AMPD1: variants seen among roughly 807,000 people sequenced by gnomAD.
The protein encoded by AMPD1 is adenosine monophosphate deaminase 1.
A neutral mutation model predicts 82.9 loss-of-function variants in AMPD1; 74 were observed. The ratio of observed to expected loss-of-function variants is 0.89; its 90% CI spans 0.74 to 1.08. The LOEUF (loss-of-function observed/expected upper bound fraction) is 1.08, where lower values mean the gene tolerates loss of function less well. Ranked by LOEUF, AMPD1 falls within the 50% of genes least tolerant of loss-of-function variation. AMPD1 has a pLI of 0.00. For missense variants in AMPD1, 881 were observed against 924.5 expected (o/e 0.95, Z 0.61); for synonymous variants, 333 against 320.5 (o/e 1.04, Z -0.42).
At chr1:114,692,798 A>T (rs531964599) in intron 2 of AMPD1, among the ~76,000 whole-genome samples, 7 of 149,332 alleles carry the variant, frequency 4.7e-5, no homozygotes, top group Non-Finnish European at 1.0e-4. Context: ...CTAAGGCAAG[A>T]TTCAATAGGC....
intron 2 of AMPD1, among the ~76,000 whole-genome samples, chr1:114,692,247 T>C (rs1345139745): frequency 6.6e-6 from 1 of 152,114 alleles, no homozygotes; most frequent in Non-Finnish European, 1.5e-5. Context: ...TATTAATGTG[T>C]AGGAAAGACA....
chr1:114,674,200 T>A (rs1657915832), intron 13 of AMPD1, 118 bp from the exon 14 acceptor site: 3 of 898,086 alleles, frequency 3.3e-6, no homozygotes, highest in South Asian at 3.1e-5. Flanking sequence ...TCACTTGTTC[T>A]TCAAGTCTCT....
At chr1:114,679,544 C>T (rs1054090898) in intron 7 of AMPD1, 35 bp downstream of exon 7, 1 of 1,612,418 alleles carries the variant, frequency 6.2e-7, no homozygotes, top group Non-Finnish European at 8.5e-7. Flanking sequence ...ATTGTTTTTG[C>T]CCAGGAATTA....
intron 10 of AMPD1, 154 bp from the exon 11 acceptor site, chr1:114,676,157 C>G: frequency 1.2e-5 from 11 of 951,886 alleles, no homozygotes; most frequent in South Asian, 1.5e-5. Context: ...TTTTTGGTCC[C>G]CTATAGAGAG....
intron 7 of AMPD1, among the ~76,000 whole-genome samples, chr1:114,678,755 C>T (rs1252131245): frequency 6.6e-6 from 1 of 152,184 alleles, no homozygotes; most frequent in Non-Finnish European, 1.5e-5. Flanking sequence ...ATGCTTGCTT[C>T]TTCTGTATAT....
intron 3 of AMPD1, 85 bp downstream of exon 3, chr1:114,688,476 A>T: frequency 6.8e-7 from 1 of 1,476,702 alleles, no homozygotes; most frequent in Non-Finnish European, 9.5e-7. Flanking sequence ...TTGAACCATC[A>T]TTTGGATAAA....
chr1:114,692,231 G>C (rs1322554161), intron 2 of AMPD1, among the ~76,000 whole-genome samples: 1 of 152,172 alleles, frequency 6.6e-6, no homozygotes, highest in Non-Finnish European at 1.5e-5. Context: ...TTTCTCAGCA[G>C]TGCTTTATTA....
rs1257078579 is a variant in AMPD1 at position 114,680,286 on chromosome 1, A to G, written c.740T>C (p.Leu247Ser). The change falls in exon 6 of 16, where the codon TTA (leucine) becomes TCA (serine). Residue 247 changes from leucine to serine, a missense_variant. Physicochemically the swap from Leu to Ser is moderately radical, Grantham distance 145. Around this residue, in one of 2 missense-constraint regions of AMPD1, gnomAD observed 783 missense variants for 786.4 expected, o/e 1.00. Transcript: ENST00000520113. ...AGGTCCTTGAGCAATTAAAGCAAGT[A>G]AAAAATTCATATCGTCTAAGAAGGT... ...LDTFLDDMNFLLALIAQGPVK... is the reference protein window; with the variant it reads ...LDTFLDDMNFSLALIAQGPVK... 1 of 1,614,092 alleles carries G rather than the reference A, an allele frequency of 6.2e-7. No homozygotes were observed. The highest frequency in any genetic ancestry group is 1.3e-5 in the African/African-American group (1 of 75,050).
chr1:114,682,354 G>A (rs541997224), intron 5 of AMPD1, among the ~76,000 whole-genome samples: 2 of 151,980 alleles, frequency 1.3e-5, no homozygotes, highest in Non-Finnish European at 2.9e-5. Context: ...TTATACTTAA[G>A]GATTAATAAC....
Position 114,679,663 on chromosome 1 carries a change from G to T in AMPD1, c.813C>A (p.Phe271Leu). 1 of 1,613,960 alleles carries T rather than the reference G, an allele frequency of 6.2e-7. No individual in the cohort carries two copies. Among genetic ancestry groups the T allele is most frequent in the Non-Finnish European group, 8.5e-7 (1 of 1,179,998 alleles). The part of the protein sequence containing the change: ...HRRLKFLSSK[F>L]QVHQMLNEMD... ...TCTCGTTAAGCATCTGATGGACCTG[G>T]AACTTGGAGGAGAGGAACTTCAGGC... Residue 271 changes from phenylalanine to leucine, a missense_variant, in exon 7 of 16, where the codon TTC becomes TTA. Phe to Leu is a conservative substitution (Grantham distance 22). Around this residue, in one of 2 missense-constraint regions of AMPD1, gnomAD observed 783 missense variants for 786.4 expected, o/e 1.00. Transcript: ENST00000520113.
intron 5 of AMPD1, among the ~76,000 whole-genome samples, chr1:114,683,443 A>G (rs934221869): frequency 2.0e-5 from 3 of 152,220 alleles, no homozygotes; most frequent in Non-Finnish European, 4.4e-5. Context: ...GTGCAAGTTC[A>G]AAAATAAACA....
chr1:114,677,811 T>TTCCG, intron 9 of AMPD1, 99 bp downstream of exon 9: 1 of 679,484 alleles, frequency 1.5e-6, no homozygotes, highest in Non-Finnish European at 2.1e-6. Context: ...CCTTCCTTCC[T>TTCCG]TCCTTCCTTC....
intron 2 of AMPD1, among the ~76,000 whole-genome samples, chr1:114,692,339 G>A (rs1658539081): frequency 6.6e-6 from 1 of 152,200 alleles, no homozygotes; most frequent in African/African-American, 2.4e-5. Flanking sequence ...AAAAGGACAA[G>A]TCTAATTTGA....
intron 11 of AMPD1, 38 bp downstream of exon 11, chr1:114,675,839 A>G: frequency 6.2e-7 from 1 of 1,614,092 alleles, no homozygotes; most frequent in Non-Finnish European, 8.5e-7. Context: ...AGGCTGGTTC[A>G]TGAGCAGCAG....
chr1:114,687,743 T>C (rs1658362951), intron 3 of AMPD1, among the ~76,000 whole-genome samples: 1 of 152,062 alleles, frequency 6.6e-6, no homozygotes. Context: ...GCAGCAAGTA[T>C]GCATCATAGA....
In AMPD1 at chr1:114,679,694, T is replaced by C. The variant is rs554380360; in HGVS notation, c.782A>G (p.His261Arg). ...IAQGPVKTYT[H>R]RRLKFLSSKF... The stretch of plus-strand genomic sequence containing the variant: ...GGAGGAGAGGAACTTCAGGCGCCGG[T>C]GGGTATAGGTCTTACTGTGAAAAAT... Residue 261 changes from histidine (H) to arginine (R), a missense_variant, in exon 7 of 16, where the codon CAC (histidine) becomes CGC (arginine). By Grantham distance (29) the His-to-Arg change is conservative. Transcript: ENST00000520113. 5.0e-6 allele frequency: 8 copies of C among 1,613,956 alleles called. No individual in the cohort carries two copies. In the Admixed American group the frequency reaches 1.2e-4, roughly 24 times the overall value.
At chr1:114,694,359 G>A (rs1433666138) in intron 1 of AMPD1, among the ~76,000 whole-genome samples, 2 of 151,986 alleles carry the variant, frequency 1.3e-5, no homozygotes, top group Admixed American at 1.3e-4. Context: ...ATGGTAAAAG[G>A]ATAAGTTGTA....
chr1:114,679,103 A>G (rs1658080598), intron 7 of AMPD1, among the ~76,000 whole-genome samples: 1 of 152,142 alleles, frequency 6.6e-6, no homozygotes, highest in Non-Finnish European at 1.5e-5. Context: ...AAGTGTGTCT[A>G]GTTTATTGGA....
chr1:114,694,539 A>G (rs1658622397), intron 1 of AMPD1, among the ~76,000 whole-genome samples: 1 of 152,180 alleles, frequency 6.6e-6, no homozygotes, highest in South Asian at 2.1e-4. Flanking sequence ...ATGGATGTGC[A>G]GATTTTTAAA....
Sources: allele counts gnomAD v4.1 joint callset (sites outside exome capture counted in the v4.1 genomes callset), GRCh38; gene constraint gnomAD v4.1.1; regional missense constraint gnomAD v4.1.1; transcripts MANE v1.5; gene names NCBI Gene and HGNC (gene_info 2026-07-23, HGNC 2026-07-21).